Variants in FAM13A observed in about 807,000 individuals in gnomAD.
FAM13A encodes family with sequence similarity 13 member A.
In FAM13A, 76 loss-of-function variants were observed where a neutral mutation model predicts 129.6. The observed-to-expected ratio is 0.59, with a 90% CI of 0.49 to 0.71. The LOEUF is 0.71. Among genes scored for constraint, FAM13A ranks in the 30% least tolerant of loss-of-function variants. The probability of loss-of-function intolerance (pLI) is 0.00; values close to 1 mark genes in which losing one functional copy is unlikely to be tolerated. For missense variants in FAM13A, 1,108 were observed against 1,249.3 expected (o/e 0.89, Z 1.70); for synonymous variants, 443 against 449.9 (o/e 0.98, Z 0.20).
intron 19 of FAM13A, among the ~76,000 whole-genome samples, chr4:88,743,849 C>A (rs1740741898): frequency 6.6e-6 from 1 of 152,148 alleles, no homozygotes; most frequent in African/African-American, 2.4e-5. Flanking sequence ...ATGTCATAGA[C>A]AAACTATGCG....
intron 3 of FAM13A, among the ~76,000 whole-genome samples, chr4:88,999,455 T>G (rs983755005): frequency 6.6e-6 from 1 of 152,164 alleles, no homozygotes; most frequent in Non-Finnish European, 1.5e-5. Flanking sequence ...TCACACAATG[T>G]AAAATGCTAA....
At chr4:88,949,331 C>G (rs1291139856) in intron 4 of FAM13A, among the ~76,000 whole-genome samples, 1 of 152,188 alleles carries the variant, frequency 6.6e-6, no homozygotes, top group East Asian at 1.9e-4. Flanking sequence ...ATCACCTGAT[C>G]AAATTGCTCC....
chr4:88,983,371 A>G (rs1379804129), intron 4 of FAM13A, among the ~76,000 whole-genome samples: 2 of 152,138 alleles, frequency 1.3e-5, no homozygotes, highest in Non-Finnish European at 2.9e-5. Flanking sequence ...AAACCTGAGC[A>G]CCTAATAGGA....
At chr4:88,840,958 T>C (rs1271906185) in intron 7 of FAM13A, among the ~76,000 whole-genome samples, 2 of 152,064 alleles carry the variant, frequency 1.3e-5, no homozygotes, top group African/African-American at 4.8e-5. Flanking sequence ...ACTAGACTCA[T>C]ACCATACAGC....
intron 3 of FAM13A, among the ~76,000 whole-genome samples, chr4:89,013,593 C>T (rs1395865383): frequency 6.6e-6 from 1 of 152,032 alleles, no homozygotes; most frequent in South Asian, 2.1e-4. Flanking sequence ...TTCCTATTGC[C>T]CAGTGATGTC....
intron 4 of FAM13A, among the ~76,000 whole-genome samples, chr4:88,945,990 G>GTGTGTGTGTGTGTGTGTGTATATA: frequency 1.6e-5 from 1 of 61,966 alleles, no homozygotes; most frequent in African/African-American, 8.6e-5. Flanking sequence ...GTGTGTGTGT[G>GTGTGTGTGTGTGTGTGTGTATATA]TATATATATA....
intron 3 of FAM13A, among the ~76,000 whole-genome samples, chr4:89,011,218 C>T (rs1371717086): frequency 6.8e-6 from 1 of 147,310 alleles, no homozygotes; most frequent in African/African-American, 2.4e-5. Flanking sequence ...TGGTAACCTT[C>T]CTTTAAAATC....
intron 4 of FAM13A, among the ~76,000 whole-genome samples, chr4:88,979,656 G>A (rs1191742640): frequency 1.3e-5 from 2 of 152,018 alleles, no homozygotes; most frequent in African/African-American, 4.8e-5. Flanking sequence ...AATAAATATT[G>A]CCTATTATTA....
At chr4:88,858,158 C>A (rs550615975) in intron 6 of FAM13A, among the ~76,000 whole-genome samples, 7 of 152,248 alleles carry the variant, frequency 4.6e-5, no homozygotes, top group Admixed American at 3.9e-4. Context: ...CATGGTAGAG[C>A]CCCATGTCCT....
At chr4:88,906,003 G>A (rs148469538) in intron 6 of FAM13A, among the ~76,000 whole-genome samples, 1 of 152,238 alleles carries the variant, frequency 6.6e-6, no homozygotes, top group African/African-American at 2.4e-5. Context: ...CAAGAAACAT[G>A]CTGGCCGGGC....
chr4:89,033,598 T>C (rs781605115), intron 1 of FAM13A, among the ~76,000 whole-genome samples: 39 of 152,190 alleles, frequency 2.6e-4, no homozygotes, highest in Non-Finnish European at 5.0e-4. Context: ...AGAAAAATAG[T>C]TATTTACATG....
intron 11 of FAM13A, among the ~76,000 whole-genome samples, chr4:88,771,438 A>G (rs946552148): frequency 5.3e-5 from 8 of 152,156 alleles, no homozygotes; most frequent in Non-Finnish European, 1.2e-4. Context: ...GTAGGTGCTA[A>G]TAGTACTTGT....
intron 5 of FAM13A, among the ~76,000 whole-genome samples, chr4:88,928,499 G>A (rs1023890952): frequency 6.6e-6 from 1 of 152,038 alleles, no homozygotes; most frequent in Non-Finnish European, 1.5e-5. Context: ...GTGTTCCAGG[G>A]TAGGGTTCCC....
At chr4:88,851,535 T>C (rs138292640) in intron 6 of FAM13A, among the ~76,000 whole-genome samples, 44 of 151,902 alleles carry the variant, frequency 2.9e-4, no homozygotes, top group African/African-American at 1.0e-3. Context: ...CAACTTGGAT[T>C]GAAGGAAATA....
chr4:89,055,854 C>T (rs1433892152), intron 1 of FAM13A, among the ~76,000 whole-genome samples: 1 of 152,136 alleles, frequency 6.6e-6, no homozygotes, highest in Non-Finnish European at 1.5e-5. Context: ...CAAGGTCATC[C>T]TGCAGTTTCA....
At position 88,726,521 on chromosome 4, in the gene FAM13A, C is replaced by T. The variant is rs971676461; in HGVS notation, c.*2012G>A. ...TGTAGCTTAAAAAAAAATTCTGTAGCGTATTTTTCCAAAAACATAGTCTTA... is the reference window on the plus strand; with the variant it reads ...TGTAGCTTAAAAAAAAATTCTGTAGTGTATTTTTCCAAAAACATAGTCTTA... On this transcript the variant is annotated 3_prime_UTR_variant, in exon 24 of 24. Transcript: ENST00000264344. 4 of 152,456 alleles carry T rather than the reference C, an allele frequency of 2.6e-5. No homozygotes were observed. Among genetic ancestry groups the T allele is most frequent in the Non-Finnish European group, 5.9e-5 (4 of 67,994 alleles). The allele number at this position is 152,456 out of a possible 1,614,324, so 9.4% of individuals were successfully genotyped here. A position where few individuals can be genotyped will look rare whatever the true frequency, so the allele number is the denominator to read the frequency against.
At chr4:88,826,092 T>C (rs545014296) in intron 7 of FAM13A, among the ~76,000 whole-genome samples, 32 of 152,330 alleles carry the variant, frequency 2.1e-4, no homozygotes, top group Admixed American at 2.1e-3. Context: ...GTGCCATTCA[T>C]GACCTCTGTC....
chr4:88,739,169 G>C, intron 19 of FAM13A, 44 bp from the exon 20 acceptor site: 6 of 1,326,874 alleles, frequency 4.5e-6, no homozygotes, highest in Non-Finnish European at 6.5e-6. Context: ...GCTGCTGGGA[G>C]TCACAACCAG....
At chr4:88,959,587 C>A (rs1225064289) in intron 4 of FAM13A, among the ~76,000 whole-genome samples, 1 of 152,202 alleles carries the variant, frequency 6.6e-6, no homozygotes, top group East Asian at 1.9e-4. Flanking sequence ...CCAGCTGATG[C>A]CAGTACCATG....
Sources: allele counts gnomAD v4.1 joint callset (sites outside exome capture counted in the v4.1 genomes callset), GRCh38; gene constraint gnomAD v4.1.1; transcripts MANE v1.5; gene names NCBI Gene and HGNC (gene_info 2026-07-23, HGNC 2026-07-21).